Variants in SMG7 observed in about 807,000 individuals in gnomAD.
The protein encoded by SMG7 is SMG7 nonsense mediated mRNA decay factor, also known as nonsense-mediated mRNA decay factor SMG7.
Under a neutral mutation model 148.2 loss-of-function variants are expected in SMG7, and 34 were observed. The observed-to-expected ratio is 0.23, with a 90% confidence interval of 0.17 to 0.31. The LOEUF is 0.31. SMG7 is among the 10% of genes least tolerant of loss of function. The pLI is 1.00. For synonymous variants in SMG7, 492 were observed against 515.1 expected, an observed-to-expected ratio of 0.96 and a Z score of 0.61; for missense variants, 1,114 against 1,408.4, an observed-to-expected ratio of 0.79 and a Z score of 3.35.
intron 1 of SMG7, among the ~76,000 whole-genome samples, chr1:183,488,506 A>G (rs1202705595): frequency 6.6e-6 from 1 of 152,152 alleles, no homozygotes; most frequent in Non-Finnish European, 1.5e-5. Context: ...GCCACTGGCC[A>G]CATGTGGCCA....
intron 17 of SMG7, 83 bp from the exon 18 acceptor site, chr1:183,547,020 C>A: frequency 7.4e-7 from 1 of 1,343,230 alleles, no homozygotes; most frequent in Non-Finnish European, 1.0e-6. Context: ...CTTTAGTTGT[C>A]TTCTTCCACC....
chr1:183,542,766 G>A (rs982779596), intron 14 of SMG7, among the ~76,000 whole-genome samples: 1 of 152,130 alleles, frequency 6.6e-6, no homozygotes, highest in African/African-American at 2.4e-5. Flanking sequence ...ATTAGTTGCA[G>A]AGTTGTCAGT....
chr1:183,519,727 A>T (rs781479039), intron 4 of SMG7, among the ~76,000 whole-genome samples: 12 of 152,118 alleles, frequency 7.9e-5, no homozygotes, highest in Non-Finnish European at 4.4e-5. Context: ...ACTTTTTTGC[A>T]TATTTAAGAC....
chr1:183,520,156 A>G (rs978840771), intron 4 of SMG7, among the ~76,000 whole-genome samples: 12 of 152,146 alleles, frequency 7.9e-5, no homozygotes, highest in South Asian at 2.1e-4. Context: ...AACAACACCA[A>G]TGTTCTACAA....
chr1:183,483,418 G>A (rs1327022370), intron 1 of SMG7, among the ~76,000 whole-genome samples: 1 of 152,106 alleles, frequency 6.6e-6, no homozygotes. Context: ...TAGTAGTGAG[G>A]TAATCAAAGG....
chr1:183,493,907 GT>G (rs1571824767), intron 1 of SMG7, among the ~76,000 whole-genome samples: 2 of 152,116 alleles, frequency 1.3e-5, no homozygotes, highest in African/African-American at 4.8e-5. Flanking sequence ...CCTACTTTTT[GT>G]TAGTTATTGA....
rs1295531590 is a variant in SMG7, at chr1:183,527,011, A to G, written c.484+244A>G. Among the ~76,000 whole-genome samples, 1 of 152,226 alleles carries G rather than the reference A, an allele frequency of 6.6e-6. No individual in the cohort carries two copies. The highest frequency in any genetic ancestry group is 6.5e-5 in the Admixed American group (1 of 15,290). On this transcript the variant is annotated intron_variant, in intron 5 of 22. Transcript: ENST00000688051. The surrounding 1 kb of genome is among the most constrained non-coding windows in gnomAD (Gnocchi z 4.0). ...TTTATTCCAACTTTATGTAATTTAT[A>G]TAGGCAAATAATAAACAGCAAAAAC...
Position 183,547,199 on chromosome 1 carries a change from C to G in SMG7, c.2839C>G (p.Leu947Val). The change falls in exon 18 of 23, where the codon CTT becomes GTT. Residue 947 changes from leucine (L) to valine (V), a missense_variant. Physicochemically the swap from Leu to Val is conservative, Grantham distance 32. Around this residue, in one of 4 missense-constraint regions of SMG7, gnomAD observed 788 missense variants for 894.5 expected, o/e 0.88. Coordinates refer to ENST00000688051, the MANE Select transcript of SMG7 (RefSeq NM_001375584.1). ...EELIFSNPPD[L>V]YPALLGPLAS... ...GCTGATTTTTTCTAACCCTCCTGAT[C>G]TTTACCCGGCTCTGCTGGGGCCTCT... The G allele has an allele frequency of 2.6e-6, 4 of 1,550,412 alleles. No homozygotes were observed. The Middle Eastern group carries it at 5.0e-4, about 194-fold the overall frequency.
intron 12 of SMG7, 86 bp downstream of exon 12, chr1:183,538,526 C>G: frequency 1.1e-6 from 1 of 904,398 alleles, no homozygotes; most frequent in South Asian, 1.3e-5. Flanking sequence ...GTAGAGGAAC[C>G]TTTGATCTGT....
At position 183,530,278 on chromosome 1, in the gene SMG7, T is replaced by C. The variant is rs187983734; in HGVS notation, c.843+745T>C. Among the ~76,000 whole-genome samples, 294 of 152,292 alleles carry C rather than the reference T, an allele frequency of 1.9e-3. 1 individual carries two copies. The highest frequency in any genetic ancestry group is 6.6e-3 in the African/African-American group (273 of 41,590). ...GTAATTGTGTATAACTGCTTCATAGTATTTCTGTAAGTTCTTTATAAGTCA... is the reference window on the plus strand; with the variant it reads ...GTAATTGTGTATAACTGCTTCATAGCATTTCTGTAAGTTCTTTATAAGTCA... On this transcript the variant is annotated intron_variant, in intron 8 of 22. Transcript: ENST00000688051.
At position 183,551,821 on chromosome 1, in the gene SMG7, A is replaced by T; in HGVS notation, c.3454A>T (p.Ile1152Phe). 1 of 1,608,694 alleles carries T rather than the reference A, an allele frequency of 6.2e-7. No individual in the cohort carries two copies. The highest frequency in any genetic ancestry group is 2.2e-5 in the East Asian group (1 of 44,630). Reference protein sequence around the residue: ...SAVLMESLKSIWSSSMMHPGP... With the variant: ...SAVLMESLKSFWSSSMMHPGP... ...CAAGATCTGGACTGTTTTTCAGTCTATCTGGTCCAGTTCCATGATGCATCC... is the reference window on the plus strand; with the variant it reads ...CAAGATCTGGACTGTTTTTCAGTCTTTCTGGTCCAGTTCCATGATGCATCC... The change falls in exon 23 of 23, where the codon ATC becomes TTC. Residue 1152 changes from isoleucine (I) to phenylalanine (F), a missense_variant. By Grantham distance (21) the Ile-to-Phe change is conservative (BLOSUM62 0). Transcript: ENST00000688051.
chr1:183,494,986 G>A (rs1658120988), intron 1 of SMG7, among the ~76,000 whole-genome samples: 1 of 151,562 alleles, frequency 6.6e-6, no homozygotes, highest in Non-Finnish European at 1.5e-5. Context: ...ACGCCACCAT[G>A]CCCAGCTAAT....
At chr1:183,493,563 C>G (rs1372634384) in intron 1 of SMG7, among the ~76,000 whole-genome samples, 1 of 152,086 alleles carries the variant, frequency 6.6e-6, no homozygotes, top group African/African-American at 2.4e-5. Context: ...TAGTGTTGGT[C>G]TAACCTCACT....
chr1:183,533,350 G>T (rs757355750), intron 9 of SMG7, 24 bp downstream of exon 9: 1 of 1,598,836 alleles, frequency 6.3e-7, no homozygotes, highest in Non-Finnish European at 8.5e-7. Context: ...TACTTAACAT[G>T]TGCCATCTTT....
intron 22 of SMG7, 147 bp from the exon 23 acceptor site, chr1:183,551,671 G>T: frequency 1.9e-6 from 1 of 536,272 alleles, no homozygotes. Context: ...GTCTTATAAT[G>T]ACTTTTTCTA....
At chr1:183,549,434 G>C (rs189160071) in intron 19 of SMG7, 146 bp downstream of exon 19, 5 of 656,306 alleles carry the variant, frequency 7.6e-6, no homozygotes, top group Non-Finnish European at 1.0e-5. Context: ...CCTTGTCTCT[G>C]ATTGGGGCAT....
At chr1:183,493,921 G>A (rs1436361199) in intron 1 of SMG7, among the ~76,000 whole-genome samples, 2 of 152,150 alleles carry the variant, frequency 1.3e-5, no homozygotes, top group Non-Finnish European at 2.9e-5. Context: ...GTTATTGAGA[G>A]AGTTTTGGAA....
At chr1:183,489,713 G>A (rs938929259) in intron 1 of SMG7, among the ~76,000 whole-genome samples, 3 of 152,200 alleles carry the variant, frequency 2.0e-5, no homozygotes, top group Admixed American at 2.0e-4. Context: ...AAGTATAAGG[G>A]CATTAGGGCC....
chr1:183,499,677 G>C (rs927276571), intron 1 of SMG7, among the ~76,000 whole-genome samples: 16 of 152,142 alleles, frequency 1.1e-4, no homozygotes, highest in African/African-American at 3.6e-4. Flanking sequence ...TTTGTGGCTT[G>C]TTGTTCTCTG....
Sources: allele counts gnomAD v4.1 joint callset (sites outside exome capture counted in the v4.1 genomes callset), GRCh38; gene constraint gnomAD v4.1.1; regional missense constraint gnomAD v4.1.1; non-coding constraint Gnocchi (gnomAD v3.1); transcripts MANE v1.5; gene names NCBI Gene and HGNC (gene_info 2026-07-23, HGNC 2026-07-21).